CHIC1: variants seen among roughly 807,000 people sequenced by gnomAD.
The protein encoded by CHIC1 is cysteine-rich hydrophobic domain-containing protein 1.
In CHIC1, 7 loss-of-function variants were observed where a neutral mutation model predicts 18.5. The ratio of observed to expected loss-of-function variants is 0.38; its 90% CI spans 0.22 to 0.71. CHIC1 has a LOEUF of 0.71. Among genes scored for constraint, CHIC1 ranks in the 30% least tolerant of loss-of-function variants. CHIC1 has a pLI of 0.49. For synonymous variants in CHIC1, 77 were observed against 73.5 expected (o/e 1.05, Z -0.25); for missense variants, 159 against 176.9 (o/e 0.90, Z 0.57).
In CHIC1 at chrX:73,604,840, T is replaced by G. The variant is rs200236167; in HGVS notation, c.507+20268T>G. 1.9e-4 allele frequency among the ~76,000 whole-genome samples: 21 copies of G among 109,581 alleles called. No homozygotes were observed. In the East Asian group the frequency reaches 5.0e-3, roughly 26 times the overall value. The stretch of plus-strand genomic sequence containing the variant: ...TTGAGTGAGTTTGTTAATCCTAAGT[T>G]CTAATTTGATTGTACTGTGGTCTGA... On this transcript the variant is annotated intron_variant, in intron 3 of 5. Transcript: ENST00000373502.
intron 3 of CHIC1, among the ~76,000 whole-genome samples, chrX:73,656,935 C>G (rs1229712241): frequency 9.0e-6 from 1 of 111,387 alleles, no homozygotes; most frequent in Non-Finnish European, 1.9e-5. Flanking sequence ...ATCCGTGAGC[C>G]TGGAATTTTT....
chrX:73,645,331 T>C (rs1290302942), intron 3 of CHIC1, among the ~76,000 whole-genome samples: 1 of 112,262 alleles, frequency 8.9e-6, no homozygotes, highest in African/African-American at 3.2e-5. Flanking sequence ...CTTAGGTATC[T>C]CTCTATCTTG....
intron 3 of CHIC1, among the ~76,000 whole-genome samples, chrX:73,598,718 A>C (rs2057625193): frequency 9.1e-6 from 1 of 109,933 alleles, no homozygotes; most frequent in Non-Finnish European, 1.9e-5. Context: ...CATTTTCTTA[A>C]TCCAGTCTAT....
At chrX:73,563,623 G>A in intron 1 of CHIC1, 43 bp downstream of exon 1, 1 of 1,031,447 alleles carries the variant, frequency 9.7e-7, no homozygotes, top group Non-Finnish European at 1.3e-6. Context: ...CCTGAGATTT[G>A]GCAACAGAGG....
At chrX:73,673,013 T>C (rs1412916854) in intron 3 of CHIC1, among the ~76,000 whole-genome samples, 2 of 112,097 alleles carry the variant, frequency 1.8e-5, no homozygotes, top group African/African-American at 6.5e-5. Flanking sequence ...CACCATTTAT[T>C]AAATAGGAAA....
At chrX:73,677,438 G>A (rs1480415619) in intron 3 of CHIC1, among the ~76,000 whole-genome samples, 1 of 111,634 alleles carries the variant, frequency 9.0e-6, no homozygotes, top group Non-Finnish European at 1.9e-5. Context: ...CTCAGCAATG[G>A]CAGGCACCCC....
chrX:73,669,514 C>T (rs2058019887), intron 3 of CHIC1, among the ~76,000 whole-genome samples: 1 of 107,467 alleles, frequency 9.3e-6, no homozygotes, highest in Non-Finnish European at 1.9e-5. Context: ...CCACCCCCCA[C>T]CACACTATGT....
intron 3 of CHIC1, among the ~76,000 whole-genome samples, chrX:73,674,936 C>G (rs2058053673): frequency 1.8e-5 from 2 of 111,819 alleles, no homozygotes; most frequent in African/African-American, 3.3e-5. Flanking sequence ...TATGTTGTGT[C>G]TTTGTTCTCC....
At chrX:73,568,197 C>T (rs367990383) in intron 1 of CHIC1, among the ~76,000 whole-genome samples, 10 of 111,522 alleles carry the variant, frequency 9.0e-5, no homozygotes, top group Admixed American at 1.9e-4. Context: ...CCAGTGATGG[C>T]GTTTATGGCA....
At chrX:73,676,686 G>C (rs761104534) in intron 3 of CHIC1, among the ~76,000 whole-genome samples, 6 of 110,822 alleles carry the variant, frequency 5.4e-5, no homozygotes, top group Non-Finnish European at 7.6e-5. Flanking sequence ...AATTTCCTCC[G>C]GTAACTCAGA....
At position 73,672,324 on chromosome X, in the gene CHIC1, G is replaced by C. The variant is rs947651216; in HGVS notation, c.508-7002G>C. Reference sequence around the variant, plus strand: ...GGGTCAAATGGTATTTCTAGTTCTAGATCCCTGAGGAATCGCCACACTGAC... The same window carrying C: ...GGGTCAAATGGTATTTCTAGTTCTACATCCCTGAGGAATCGCCACACTGAC... On this transcript the variant is annotated intron_variant, in intron 3 of 5. Coordinates refer to ENST00000373502, the MANE Select transcript of CHIC1 (RefSeq NM_001039840.4). Among the ~76,000 whole-genome samples, 7 of 111,483 alleles carry C rather than the reference G, an allele frequency of 6.3e-5. No individual in the cohort carries two copies. The Admixed American group carries it at 6.6e-4, about 11-fold the overall frequency.
chrX:73,612,466 T>C (rs7054697), intron 3 of CHIC1, among the ~76,000 whole-genome samples: 6,039 of 111,687 alleles, frequency 0.054, 416 homozygotes, highest in African/African-American at 0.18. Context: ...TTTCATTTAG[T>C]GTTGCTTTTG....
chrX:73,622,048 A>T (rs148349631), intron 3 of CHIC1, among the ~76,000 whole-genome samples: 357 of 112,106 alleles, frequency 3.2e-3, no homozygotes, highest in Middle Eastern at 0.018. Context: ...GATGAAACAG[A>T]CTTGATCATG....
At chrX:73,604,762 A>T (rs2057670858) in intron 3 of CHIC1, among the ~76,000 whole-genome samples, 1 of 108,805 alleles carries the variant, frequency 9.2e-6, no homozygotes, top group East Asian at 2.8e-4. Context: ...TTAGTTATTT[A>T]CCTAGTAGTC....
At chrX:73,613,231 G>A (rs939579680) in intron 3 of CHIC1, among the ~76,000 whole-genome samples, 3 of 111,260 alleles carry the variant, frequency 2.7e-5, no homozygotes, top group Admixed American at 9.6e-5. Context: ...GCATATAGTT[G>A]GTTCTATAAT....
chrX:73,583,265 A>G (rs757122330), intron 2 of CHIC1, among the ~76,000 whole-genome samples: 8 of 111,393 alleles, frequency 7.2e-5, no homozygotes, highest in Non-Finnish European at 1.5e-4. Context: ...AGCTTACTTT[A>G]GTGCTGAATT....
chrX:73,576,858 C>T (rs780798503), intron 1 of CHIC1, among the ~76,000 whole-genome samples: 1 of 110,288 alleles, frequency 9.1e-6, no homozygotes, highest in African/African-American at 3.3e-5. Context: ...CAAAATTGGT[C>T]GAGCACAGAC....
intron 3 of CHIC1, among the ~76,000 whole-genome samples, chrX:73,673,498 C>A (rs1206480421): frequency 9.0e-6 from 1 of 111,496 alleles, no homozygotes; most frequent in Non-Finnish European, 1.9e-5. Context: ...GTATTTTATT[C>A]TCTTTGAAGC....
intron 3 of CHIC1, among the ~76,000 whole-genome samples, chrX:73,644,866 T>C (rs1272212373): frequency 1.8e-5 from 2 of 111,756 alleles, no homozygotes; most frequent in Non-Finnish European, 3.8e-5. Context: ...CCAGGTGCCG[T>C]CTGTCATCCC....
Sources: allele counts gnomAD v4.1 joint callset (sites outside exome capture counted in the v4.1 genomes callset), GRCh38; gene constraint gnomAD v4.1.1; transcripts MANE v1.5; gene names NCBI Gene and HGNC (gene_info 2026-07-23, HGNC 2026-07-21).